SCAP: variants seen among roughly 807,000 people sequenced by gnomAD.
SCAP encodes the protein sterol regulatory element-binding protein cleavage-activating protein.
Under a neutral mutation model 123.6 loss-of-function variants are expected in SCAP, and 65 were observed. The ratio of observed to expected loss-of-function variants is 0.53; its 90% confidence interval spans 0.43 to 0.65. The LOEUF (loss-of-function observed/expected upper bound fraction) is 0.65, where lower values mean the gene tolerates loss of function less well. Among genes scored for constraint, SCAP ranks in the 30% least tolerant of loss-of-function variants. The pLI, the probability that SCAP is intolerant of heterozygous loss-of-function variation, is 0.00. For missense variants in SCAP, 1,398 were observed against 1,712.5 expected, an observed-to-expected ratio of 0.82 and a Z score of 3.24; for synonymous variants, 740 against 726.3, an observed-to-expected ratio of 1.02 and a Z score of -0.30.
rs769498186 is a variant in SCAP at position 47,425,452 on chromosome 3, C to G, written c.1037+33G>C. 9 of 1,605,054 alleles carry G rather than the reference C, an allele frequency of 5.6e-6. No homozygotes were observed. The African/African-American group carries it at 1.1e-4, about 19-fold the overall frequency. On this transcript the variant is annotated intron_variant, in intron 8 of 22. Transcript: ENST00000265565. ...GCAAGGCTCTCTGGCCTGAGCCCAC[C>G]CTGTGGCCCAGTGGAGCCTGCTAGG...
intron 7 of SCAP, 130 bp from the exon 8 acceptor site, chr3:47,425,741 G>A: frequency 1.9e-6 from 2 of 1,035,592 alleles, no homozygotes; most frequent in South Asian, 1.5e-5. Flanking sequence ...AAAGGGACAG[G>A]CACAAGCACT....
At chr3:47,454,250 C>T (rs1044879603) in intron 1 of SCAP, among the ~76,000 whole-genome samples, 1 of 151,862 alleles carries the variant, frequency 6.6e-6, no homozygotes, top group African/African-American at 2.4e-5. Flanking sequence ...ACCTGTAGTC[C>T]CAGCTACTCG....
intron 8 of SCAP, 142 bp from the exon 9 acceptor site, chr3:47,424,187 T>TTTTTAATGATAC: frequency 1.8e-5 from 12 of 648,808 alleles, no homozygotes; most frequent in South Asian, 8.9e-5. Flanking sequence ...AACCCTCCCT[T>TTTTTAATGATAC]GTCCACCTCA....
intron 1 of SCAP, 115 bp from the exon 2 acceptor site, chr3:47,443,206 C>T: frequency 1.7e-6 from 1 of 596,670 alleles, no homozygotes; most frequent in Non-Finnish European, 2.7e-6. Flanking sequence ...TGCCTATATG[C>T]AAGGTCTAGT....
chr3:47,419,012 TAGC>T lies in SCAP; in HGVS notation c.1941-172_1941-170del, dbSNP rs1705774727. Among the ~76,000 whole-genome samples, 1 of 152,136 alleles carries T rather than the reference TAGC, an allele frequency of 6.6e-6. No homozygotes were observed. The highest frequency in any genetic ancestry group is 6.5e-5 in the Admixed American group (1 of 15,278). ...AGGTAGGTCCCTCCCCAGCCCAGCT[TAGC>T]AGCCAACTTGCTGTCCCAGATACCA... is the stretch of plus-strand genomic sequence containing the variant. On this transcript the variant is annotated intron_variant, in intron 13 of 22. Coordinates refer to ENST00000265565, the MANE Select transcript of SCAP (RefSeq NM_012235.4). This position sits in a 1 kb window ranked among gnomAD's most constrained non-coding sequence, Gnocchi z 5.0.
At chr3:47,454,080 T>C (rs1707318461) in intron 1 of SCAP, among the ~76,000 whole-genome samples, 1 of 152,160 alleles carries the variant, frequency 6.6e-6, no homozygotes, top group Admixed American at 6.6e-5. Flanking sequence ...AAGATAAGAA[T>C]AGACAGGCCG....
intron 1 of SCAP, among the ~76,000 whole-genome samples, chr3:47,466,589 T>G (rs561492072): frequency 6.6e-6 from 1 of 152,160 alleles, no homozygotes; most frequent in Non-Finnish European, 1.5e-5. Context: ...GAAAACTGGA[T>G]AGTTACACGC....
chr3:47,428,465 T>G, intron 4 of SCAP, 48 bp downstream of exon 4: 1 of 1,590,146 alleles, frequency 6.3e-7, no homozygotes. Context: ...AACTCTCCCT[T>G]CAGTACAGAA....
intron 1 of SCAP, among the ~76,000 whole-genome samples, chr3:47,448,002 C>CAAAAAAAA (rs35075035): frequency 6.0e-5 from 4 of 66,304 alleles, no homozygotes; most frequent in African/African-American, 1.3e-4. Context: ...GACTCCGTCT[C>CAAAAAAAA]AAAAAAAAAA....
chr3:47,415,108 C>G lies in SCAP; in HGVS notation c.3129G>C (p.Leu1043=). ...CCCAGGCCCTCCGACCTCTAAACTG[C>G]AGGGGGCTGAGGGCAGTGTGGGTCT... The part of the protein sequence containing the change: ...SLETHTALSP[L]QFRGTPGRGS... Residue 1043 remains leucine, a synonymous_variant, in exon 19 of 23, where the codon CTG becomes CTC. Coordinates refer to ENST00000265565, the MANE Select transcript of SCAP (RefSeq NM_012235.4). 1 of 1,609,606 alleles carries G rather than the reference C, an allele frequency of 6.2e-7. No individual in the cohort carries two copies. The highest frequency in any genetic ancestry group is 8.5e-7 in the Non-Finnish European group (1 of 1,178,630).
chr3:47,476,230 A>G (rs1708269059), upstream of SCAP: 2 of 152,226 alleles, frequency 1.3e-5, no homozygotes, highest in Admixed American at 1.3e-4. Flanking sequence ...TGGGAGTCCA[A>G]GGCGCGAAGA....
chr3:47,430,383 C>T (rs1481874997), intron 3 of SCAP, among the ~76,000 whole-genome samples: 1 of 152,142 alleles, frequency 6.6e-6, no homozygotes, highest in Non-Finnish European at 1.5e-5. Flanking sequence ...ACAGGCATGT[C>T]GCGGAGCACC....
rs1374203396 is a variant in SCAP at position 47,439,933 on chromosome 3, T to A, written c.122+2939A>T. On this transcript the variant is annotated intron_variant, in intron 2 of 22. Transcript: ENST00000265565. The surrounding 1 kb of genome is among the most constrained non-coding windows in gnomAD (Gnocchi z 4.0). ...TCAGTGCTGTTTGGGGTGAGCCTGA[T>A]GCATATACAGATGCCCTCTCTCACT... is the stretch of plus-strand genomic sequence containing the variant. 6.6e-6 allele frequency among the ~76,000 whole-genome samples: 1 copy of A among 152,204 alleles called. No individual in the cohort carries two copies. The highest frequency in any genetic ancestry group is 2.4e-5 in the African/African-American group (1 of 41,452).
intron 8 of SCAP, 54 bp from the exon 9 acceptor site, chr3:47,424,099 C>A: frequency 7.3e-7 from 1 of 1,364,278 alleles, no homozygotes; most frequent in Non-Finnish European, 1.0e-6. Flanking sequence ...TCCCAACAGA[C>A]TGGGGCCCTC....
At chr3:47,448,921 A>G (rs1185106329) in intron 1 of SCAP, among the ~76,000 whole-genome samples, 1 of 152,148 alleles carries the variant, frequency 6.6e-6, no homozygotes, top group Admixed American at 6.6e-5. Context: ...GACATTTTGA[A>G]TATTATGCTA....
intron 1 of SCAP, among the ~76,000 whole-genome samples, chr3:47,444,648 A>AT (rs919020386): frequency 2.1e-4 from 32 of 151,622 alleles, no homozygotes; most frequent in Non-Finnish European, 3.1e-4. Flanking sequence ...TAATTTTTGT[A>AT]TTTTTTTGTA....
At chr3:47,464,121 T>C (rs965872911) in intron 1 of SCAP, among the ~76,000 whole-genome samples, 8 of 152,164 alleles carry the variant, frequency 5.3e-5, no homozygotes, top group African/African-American at 1.7e-4. Context: ...GTTCAAGCAA[T>C]TCTCCTGCCT....
At chr3:47,453,360 T>C (rs574937707) in intron 1 of SCAP, among the ~76,000 whole-genome samples, 31 of 149,284 alleles carry the variant, frequency 2.1e-4, no homozygotes, top group Middle Eastern at 3.4e-3. Context: ...CTGGGCAACA[T>C]AGTGAGACCC....
At chr3:47,417,051 C>T in intron 18 of SCAP, 71 bp downstream of exon 18, 1 of 1,382,974 alleles carries the variant, frequency 7.2e-7, no homozygotes, top group Non-Finnish European at 1.0e-6. Context: ...AACCAGAACT[C>T]AAGACTCAAG....
Sources: allele counts gnomAD v4.1 joint callset (sites outside exome capture counted in the v4.1 genomes callset), GRCh38; gene constraint gnomAD v4.1.1; non-coding constraint Gnocchi (gnomAD v3.1); transcripts MANE v1.5; gene names NCBI Gene and HGNC (gene_info 2026-07-23, HGNC 2026-07-21).